KCNIP4: variants seen among roughly 807,000 people sequenced by gnomAD.
The protein encoded by KCNIP4 is potassium voltage-gated channel interacting protein 4.
A neutral mutation model predicts 34.0 loss-of-function variants in KCNIP4; 12 were observed. The ratio of observed to expected loss-of-function variants is 0.35; its 90% CI spans 0.23 to 0.57. The LOEUF is 0.57. Among genes scored for constraint, KCNIP4 ranks in the 20% least tolerant of loss-of-function variants. The probability of loss-of-function intolerance (pLI) is 0.83; values close to 1 mark genes in which losing one functional copy is unlikely to be tolerated. For missense variants in KCNIP4, 238 were observed against 311.7 expected (o/e 0.76, Z 1.78); for synonymous variants, 124 against 102.2 (o/e 1.21, Z -1.29).
Position 20,730,045 on chromosome 4 carries a change from C to A in KCNIP4, c.*37G>T. On this transcript the variant is annotated 3_prime_UTR_variant, in exon 9 of 9. Transcript: ENST00000382152. Reference sequence around the variant, plus strand: ...CAACTTTAAGGGTGGTAGAATAGTTCACATTTGTCTGTTGGATTCAGGATC... The same window carrying A: ...CAACTTTAAGGGTGGTAGAATAGTTAACATTTGTCTGTTGGATTCAGGATC... 6.3e-7 allele frequency: 1 copy of A among 1,591,164 alleles called. No homozygotes were observed.
intron 1 of KCNIP4, among the ~76,000 whole-genome samples, chr4:21,566,616 C>A (rs1739911130): frequency 6.6e-6 from 1 of 152,106 alleles, no homozygotes; most frequent in African/African-American, 2.4e-5. Flanking sequence ...AACCTTCTTT[C>A]TTTATAAATT....
intron 1 of KCNIP4, among the ~76,000 whole-genome samples, chr4:21,749,545 C>T (rs1006488037): frequency 1.6e-4 from 25 of 152,180 alleles, no homozygotes; most frequent in African/African-American, 4.6e-4. Context: ...AAATATTCAC[C>T]GCCCTAGGAA....
intron 1 of KCNIP4, among the ~76,000 whole-genome samples, chr4:21,310,074 G>A (rs1473227810): frequency 1.3e-5 from 2 of 152,064 alleles, no homozygotes; most frequent in Non-Finnish European, 2.9e-5. Flanking sequence ...TTTTCACCTA[G>A]GATGGAATGC....
At chr4:20,766,341 G>T (rs1241804558) in intron 3 of KCNIP4, among the ~76,000 whole-genome samples, 1 of 152,196 alleles carries the variant, frequency 6.6e-6, no homozygotes, top group Non-Finnish European at 1.5e-5. Context: ...GGCCAAGGTG[G>T]GTGGATCACC....
chr4:21,831,678 A>AAG (rs1197533030), intron 1 of KCNIP4, among the ~76,000 whole-genome samples: 1 of 150,116 alleles, frequency 6.7e-6, no homozygotes, highest in Non-Finnish European at 1.5e-5. Context: ...AAAAAAAAAA[A>AAG]AAAAAAAGCC....
At chr4:21,011,457 T>C (rs1377288483) in intron 1 of KCNIP4, among the ~76,000 whole-genome samples, 1 of 152,230 alleles carries the variant, frequency 6.6e-6, no homozygotes, top group Non-Finnish European at 1.5e-5. Flanking sequence ...GTGTATGGTA[T>C]TATTTCCAGC....
chr4:21,490,304 G>C (rs1429544442), intron 1 of KCNIP4, among the ~76,000 whole-genome samples: 2 of 151,982 alleles, frequency 1.3e-5, no homozygotes, highest in African/African-American at 2.4e-5. Flanking sequence ...TACCTGAATA[G>C]AAGCACTTGA....
intron 1 of KCNIP4, among the ~76,000 whole-genome samples, chr4:21,766,864 G>A (rs919005191): frequency 3.3e-5 from 5 of 152,114 alleles, no homozygotes; most frequent in African/African-American, 7.2e-5. Flanking sequence ...CAAATCCATT[G>A]AGTGTCTATC....
At chr4:21,040,868 AT>A (rs1334655007) in intron 1 of KCNIP4, among the ~76,000 whole-genome samples, 1 of 151,230 alleles carries the variant, frequency 6.6e-6, no homozygotes, top group Admixed American at 6.6e-5. Flanking sequence ...TCTAAGTGGA[AT>A]TTTTTTTACG....
At chr4:21,117,790 T>C (rs926040717) in intron 1 of KCNIP4, among the ~76,000 whole-genome samples, 14 of 152,118 alleles carry the variant, frequency 9.2e-5, no homozygotes, top group Admixed American at 9.2e-4. Flanking sequence ...CTACTTGTTT[T>C]GCCTCTACTG....
At chr4:20,862,679 T>C (rs1187582683) in intron 2 of KCNIP4, among the ~76,000 whole-genome samples, 1 of 152,194 alleles carries the variant, frequency 6.6e-6, no homozygotes, top group African/African-American at 2.4e-5. Context: ...GTATGTTCAT[T>C]ACAACACTAT....
At chr4:20,851,826 T>G (rs1033422663) in intron 2 of KCNIP4, among the ~76,000 whole-genome samples, 1 of 152,210 alleles carries the variant, frequency 6.6e-6, no homozygotes, top group African/African-American at 2.4e-5. Flanking sequence ...TTTTGTGCCC[T>G]ATGTAAAATG....
chr4:21,361,069 C>T (rs995563032), intron 1 of KCNIP4, among the ~76,000 whole-genome samples: 3 of 152,024 alleles, frequency 2.0e-5, no homozygotes, highest in South Asian at 2.1e-4. Context: ...AATTTAAATG[C>T]TTTAAGCAGT....
intron 1 of KCNIP4, among the ~76,000 whole-genome samples, chr4:21,196,151 C>G (rs1442185776): frequency 6.6e-6 from 1 of 152,172 alleles, no homozygotes; most frequent in Non-Finnish European, 1.5e-5. Flanking sequence ...CAAAAGTTAT[C>G]ATTAGTCCAC....
intron 1 of KCNIP4, among the ~76,000 whole-genome samples, chr4:21,732,173 T>C (rs1420474361): frequency 6.6e-6 from 1 of 152,074 alleles, no homozygotes; most frequent in Non-Finnish European, 1.5e-5. Context: ...ATGAGATAGC[T>C]TGGAAAATCT....
intron 1 of KCNIP4, among the ~76,000 whole-genome samples, chr4:20,981,450 T>C (rs1185659874): frequency 1.3e-5 from 2 of 152,312 alleles, no homozygotes; most frequent in Middle Eastern, 3.4e-3. Context: ...TTCCAGAAAA[T>C]TCCCATGTGC....
intron 1 of KCNIP4, among the ~76,000 whole-genome samples, chr4:21,318,533 T>A (rs994039581): frequency 1.3e-5 from 2 of 152,194 alleles, no homozygotes; most frequent in African/African-American, 2.4e-5. Flanking sequence ...ATATATTTTA[T>A]CAGTTATTTG....
chr4:21,283,485 A>C (rs1281505338), intron 1 of KCNIP4, among the ~76,000 whole-genome samples: 1 of 151,958 alleles, frequency 6.6e-6, no homozygotes. Flanking sequence ...TTATGTTTTC[A>C]TATATCATAG....
chr4:21,207,816 C>CT (rs201964139), intron 1 of KCNIP4, among the ~76,000 whole-genome samples: 17 of 136,896 alleles, frequency 1.2e-4, no homozygotes, highest in South Asian at 9.8e-4. Flanking sequence ...TTTTCATTTT[C>CT]TTTTTTTTTT....
Sources: allele counts gnomAD v4.1 joint callset (sites outside exome capture counted in the v4.1 genomes callset), GRCh38; gene constraint gnomAD v4.1.1; transcripts MANE v1.5; gene names NCBI Gene and HGNC (gene_info 2026-07-23, HGNC 2026-07-21).